Variants in TBC1D5 observed in about 807,000 individuals in gnomAD.
TBC1D5 encodes TBC1 domain family, member 5.
TBC1D5 carries 75 observed loss-of-function variants against 100.3 expected under a neutral mutation model. The observed-to-expected ratio is 0.75, with a 90% CI of 0.62 to 0.91. The LOEUF is 0.91. Among genes scored for constraint, TBC1D5 ranks in the 40% least tolerant of loss-of-function variants. TBC1D5 has a pLI of 0.00. For synonymous variants in TBC1D5, 323 were observed against 325.6 expected (o/e 0.99, Z 0.09); for missense variants, 910 against 942.4 (o/e 0.97, Z 0.45).
chr3:17,441,022 T>A (rs190934303), intron 3 of TBC1D5, among the ~76,000 whole-genome samples: 1 of 152,144 alleles, frequency 6.6e-6, no homozygotes, highest in African/African-American at 2.4e-5. Flanking sequence ...GGAGAGTGGA[T>A]GAAGGGAGAC....
intron 13 of TBC1D5, among the ~76,000 whole-genome samples, chr3:17,326,857 G>T (rs2086216431): frequency 6.6e-6 from 1 of 152,144 alleles, no homozygotes; most frequent in Admixed American, 6.5e-5. Context: ...TCTTAACTTA[G>T]GAGACAGCAA....
intron 17 of TBC1D5, among the ~76,000 whole-genome samples, chr3:17,221,631 A>T (rs1279741612): frequency 6.6e-6 from 1 of 152,176 alleles, no homozygotes; most frequent in Non-Finnish European, 1.5e-5. Context: ...ACCAAGGAAG[A>T]TGTCATCTTC....
intron 3 of TBC1D5, among the ~76,000 whole-genome samples, chr3:17,494,013 G>C (rs1204353060): frequency 6.6e-6 from 1 of 152,178 alleles, no homozygotes; most frequent in African/African-American, 2.4e-5. Flanking sequence ...ACTCTGACTA[G>C]TTTTCAGCGT....
intron 3 of TBC1D5, among the ~76,000 whole-genome samples, chr3:17,460,216 T>A (rs997763342): frequency 6.6e-6 from 1 of 152,214 alleles, no homozygotes; most frequent in Non-Finnish European, 1.5e-5. Context: ...ATATGATCTT[T>A]ACATGTAACA....
intron 13 of TBC1D5, chr3:17,337,400 G>C (rs2088088336): frequency 6.6e-6 from 1 of 152,110 alleles, no homozygotes; most frequent in African/African-American, 2.4e-5. Flanking sequence ...TGTACTTGGT[G>C]AACGGTTTTA....
At position 17,352,695 on chromosome 3, in the gene TBC1D5, A is replaced by C. The variant is rs576745842; in HGVS notation, c.995+19380T>G. On this transcript the variant is annotated intron_variant, in intron 13 of 21. Coordinates refer to ENST00000253692, the Ensembl canonical transcript of TBC1D5. ...ACAAAGCAAAAGGCAAAAAAAAAAA[A>C]AAAACAAAAAAACCTACTGTGCACT... is the stretch of plus-strand genomic sequence containing the variant. 3.3e-5 allele frequency among the ~76,000 whole-genome samples: 5 copies of C among 150,908 alleles called. No homozygotes were observed. In the East Asian group the frequency reaches 5.9e-4, roughly 18 times the overall value.
chr3:17,277,436 G>GT (rs2080138611), intron 15 of TBC1D5, among the ~76,000 whole-genome samples: 1 of 152,042 alleles, frequency 6.6e-6, no homozygotes, highest in South Asian at 2.1e-4. Context: ...TTATAGAATA[G>GT]TAATTATTAT....
intron 1 of TBC1D5, among the ~76,000 whole-genome samples, chr3:17,714,156 G>A (rs1373796953): frequency 1.3e-5 from 2 of 152,040 alleles, no homozygotes; most frequent in African/African-American, 4.8e-5. Context: ...TAACCTGTCT[G>A]GGAGCTACCT....
intron 13 of TBC1D5, among the ~76,000 whole-genome samples, chr3:17,342,927 A>G (rs1018460418): frequency 1.3e-5 from 2 of 152,054 alleles, no homozygotes; most frequent in Non-Finnish European, 2.9e-5. Context: ...TAGGCATTTA[A>G]ATTTATAGAA....
At chr3:17,408,624 A>G (rs2093838328) in intron 4 of TBC1D5, among the ~76,000 whole-genome samples, 1 of 152,132 alleles carries the variant, frequency 6.6e-6, no homozygotes, top group South Asian at 2.1e-4. Context: ...CCCAAGTCCT[A>G]TACTTTTAAA....
At chr3:17,466,169 T>A (rs1488266897) in intron 3 of TBC1D5, among the ~76,000 whole-genome samples, 1 of 152,192 alleles carries the variant, frequency 6.6e-6, no homozygotes, top group Admixed American at 6.5e-5. Flanking sequence ...ACCGCTATAG[T>A]CACACCCATG....
At chr3:17,412,302 G>C (rs763274341) in intron 4 of TBC1D5, among the ~76,000 whole-genome samples, 8 of 152,146 alleles carry the variant, frequency 5.3e-5, no homozygotes, top group Non-Finnish European at 1.2e-4. Context: ...GAAAGAAATG[G>C]TTTGATACTT....
At chr3:17,530,965 T>G (rs1253402066) in intron 2 of TBC1D5, among the ~76,000 whole-genome samples, 1 of 152,122 alleles carries the variant, frequency 6.6e-6, no homozygotes, top group Non-Finnish European at 1.5e-5. Flanking sequence ...TTCAACATAG[T>G]GTTGGAAGTT....
At chr3:17,528,263 G>A (rs887271273) in intron 2 of TBC1D5, among the ~76,000 whole-genome samples, 9 of 152,148 alleles carry the variant, frequency 5.9e-5, no homozygotes, top group African/African-American at 2.2e-4. Flanking sequence ...CCTTCAGGAG[G>A]TGATTTCGCC....
At chr3:17,356,898 T>C (rs1406151623) in intron 13 of TBC1D5, among the ~76,000 whole-genome samples, 2 of 152,102 alleles carry the variant, frequency 1.3e-5, no homozygotes, top group East Asian at 3.9e-4. Context: ...TGACTATAGA[T>C]TTGGTACAGG....
intron 1 of TBC1D5, among the ~76,000 whole-genome samples, chr3:17,699,693 T>C (rs915722779): frequency 6.7e-6 from 1 of 149,442 alleles, no homozygotes; most frequent in East Asian, 2.0e-4. Context: ...CTCCAGTCTC[T>C]TGGATTTACA....
At chr3:17,261,822 T>A (rs1310754899) in intron 15 of TBC1D5, among the ~76,000 whole-genome samples, 3 of 151,276 alleles carry the variant, frequency 2.0e-5, no homozygotes, top group Non-Finnish European at 4.4e-5. Context: ...CACGCTTGGC[T>A]AATATTTGCT....
intron 13 of TBC1D5, among the ~76,000 whole-genome samples, chr3:17,324,007 G>T (rs952091321): frequency 5.3e-5 from 8 of 152,194 alleles, no homozygotes; most frequent in African/African-American, 1.9e-4. Flanking sequence ...ACAAAGTTTG[G>T]AGGTAGACAA....
intron 1 of TBC1D5, among the ~76,000 whole-genome samples, chr3:17,653,662 AT>A: frequency 2.0e-5 from 3 of 152,318 alleles, no homozygotes; most frequent in African/African-American, 7.2e-5. Context: ...CTGGTGAAAT[AT>A]GAACAAAATC....
Sources: allele counts gnomAD v4.1 joint callset (sites outside exome capture counted in the v4.1 genomes callset), GRCh38; gene constraint gnomAD v4.1.1; transcripts MANE v1.5; gene names NCBI Gene and HGNC (gene_info 2026-07-23, HGNC 2026-07-21).